LDLRAD4: variants seen among roughly 807,000 people sequenced by gnomAD.
LDLRAD4 encodes low density lipoprotein receptor class A domain containing 4.
In LDLRAD4, 5 loss-of-function variants were observed where a neutral mutation model predicts 17.0. The observed-to-expected ratio is 0.29, with a 90% CI of 0.15 to 0.62. LDLRAD4 has a LOEUF of 0.62. Ranked by LOEUF, LDLRAD4 falls within the 20% of genes least tolerant of loss-of-function variation. LDLRAD4 has a pLI of 0.84. For missense variants in LDLRAD4, 340 were observed against 424.7 expected, an observed-to-expected ratio of 0.80 and a Z score of 1.75; for synonymous variants, 168 against 171.8, an observed-to-expected ratio of 0.98 and a Z score of 0.17.
intron 1 of LDLRAD4, among the ~76,000 whole-genome samples, chr18:13,317,047 G>A (rs768766352): frequency 1.3e-5 from 2 of 152,174 alleles, no homozygotes; most frequent in African/African-American, 2.4e-5. Context: ...AAGGAATCCA[G>A]AAGGCACGAT....
chr18:13,276,731 C>G (rs2044895921), upstream of LDLRAD4, among the ~76,000 whole-genome samples: 1 of 152,170 alleles, frequency 6.6e-6, no homozygotes, highest in African/African-American at 2.4e-5. Flanking sequence ...TTGCGGACTC[C>G]TATGTAGGTC....
intron 2 of LDLRAD4, among the ~76,000 whole-genome samples, chr18:13,390,863 C>A (rs1488127050): frequency 6.6e-6 from 1 of 152,234 alleles, no homozygotes; most frequent in Non-Finnish European, 1.5e-5. Context: ...CTGGCCTTCT[C>A]TGGAGCTGGG....
rs531061311 is a variant in LDLRAD4 at position 13,377,187 on chromosome 18, C to T, written c.-382-10154C>T. 3.9e-5 allele frequency among the ~76,000 whole-genome samples: 6 copies of T among 152,318 alleles called. No individual in the cohort carries two copies. The South Asian group carries it at 8.3e-4, about 21-fold the overall frequency. On this transcript the variant is annotated intron_variant, in intron 1 of 5. Transcript: ENST00000359446. The stretch of plus-strand genomic sequence containing the variant: ...TCACACTCTTGGGTCTGCTCACTGC[C>T]GGTAACATCAACGCCAGAGCCATCC...
At chr18:13,460,543 A>G (rs2092378401) in intron 3 of LDLRAD4, among the ~76,000 whole-genome samples, 1 of 152,262 alleles carries the variant, frequency 6.6e-6, no homozygotes, top group South Asian at 2.1e-4. Context: ...TCATCTGACG[A>G]AGCCATGTGT....
At chr18:13,250,975 A>T (rs1168995885) in intron 1 of LDLRAD4, among the ~76,000 whole-genome samples, 1 of 152,202 alleles carries the variant, frequency 6.6e-6, no homozygotes, top group African/African-American at 2.4e-5. Flanking sequence ...CAAAAATCCT[A>T]CACAAAATAA....
At chr18:13,503,662 C>CA (rs764670948) in intron 3 of LDLRAD4, among the ~76,000 whole-genome samples, 3 of 151,876 alleles carry the variant, frequency 2.0e-5, no homozygotes, top group Non-Finnish European at 4.4e-5. Flanking sequence ...GCAGGCAGCC[C>CA]AGGCATGTGT....
chr18:13,418,686 A>G (rs1449017303), intron 2 of LDLRAD4, among the ~76,000 whole-genome samples: 1 of 152,230 alleles, frequency 6.6e-6, no homozygotes, highest in Non-Finnish European at 1.5e-5. Flanking sequence ...TGATGAACAA[A>G]TATTTTGAGC....
At chr18:13,509,060 T>C (rs1051158287) in intron 3 of LDLRAD4, among the ~76,000 whole-genome samples, 1 of 152,120 alleles carries the variant, frequency 6.6e-6, no homozygotes, top group Non-Finnish European at 1.5e-5. Flanking sequence ...TCCAGCACTT[T>C]AGGAAGCTGA....
In LDLRAD4 at chr18:13,552,667, C is replaced by T. The variant is rs150349200; in HGVS notation, c.182-68450C>T. Among the ~76,000 whole-genome samples, 1,107 of 152,302 alleles carry T rather than the reference C, an allele frequency of 7.3e-3. 15 individuals carry two copies. Among genetic ancestry groups the T allele is most frequent in the African/African-American group, 0.025 (1,041 of 41,564 alleles). ...TGAGGTAGTTCCTAGAGGACTGTGA[C>T]TCTTCACTCTTTCTTCCGTGTTGTA... On this transcript the variant is annotated intron_variant, in intron 3 of 5. Transcript: ENST00000359446.
At position 13,589,255 on chromosome 18, in the gene LDLRAD4, G is replaced by A. The variant is rs185220990; in HGVS notation, c.182-31862G>A. 2.2e-3 allele frequency among the ~76,000 whole-genome samples: 328 copies of A among 152,206 alleles called. 1 individual carries two copies. The highest frequency in any genetic ancestry group is 7.8e-3 in the African/African-American group (322 of 41,522). On this transcript the variant is annotated intron_variant, in intron 3 of 5. Coordinates refer to ENST00000359446, the Ensembl canonical transcript of LDLRAD4. ...AGCTTGCCATCTTTTTTCTTCTGTG[G>A]TTGGTTTCTGTCCCCAAACTGTGAT...
At chr18:13,286,053 C>T (rs780189815) in intron 1 of LDLRAD4, among the ~76,000 whole-genome samples, 5 of 152,208 alleles carry the variant, frequency 3.3e-5, no homozygotes, top group African/African-American at 4.8e-5. Flanking sequence ...TCTCCATTTT[C>T]CCAAACCAAA....
At chr18:13,612,664 G>T in intron 3 of LDLRAD4, 2 of 1,613,586 alleles carry the variant, frequency 1.2e-6, no homozygotes, top group Non-Finnish European at 8.5e-7. Context: ...ACGTGGGGGG[G>T]CTGCGTCACA....
At chr18:13,401,405 C>G (rs1259312951) in intron 2 of LDLRAD4, among the ~76,000 whole-genome samples, 1 of 150,370 alleles carries the variant, frequency 6.7e-6, no homozygotes, top group Non-Finnish European at 1.5e-5. Context: ...TTCTCCAACA[C>G]TGAGTTTCAC....
At chr18:13,220,209 A>C (rs886067088) in intron 1 of LDLRAD4, among the ~76,000 whole-genome samples, 2 of 152,252 alleles carry the variant, frequency 1.3e-5, no homozygotes, top group African/African-American at 4.8e-5. Context: ...GACATTGAAC[A>C]CAGTGTTAGG....
At chr18:13,392,817 C>T (rs1039565223) in intron 2 of LDLRAD4, among the ~76,000 whole-genome samples, 2 of 152,060 alleles carry the variant, frequency 1.3e-5, no homozygotes, top group Admixed American at 6.5e-5. Context: ...GAATTTATAG[C>T]GAGTCTTTCT....
At chr18:13,595,371 T>G (rs1303147088) in intron 3 of LDLRAD4, among the ~76,000 whole-genome samples, 2 of 152,240 alleles carry the variant, frequency 1.3e-5, no homozygotes, top group African/African-American at 4.8e-5. Flanking sequence ...CTTCAGAGTA[T>G]TCCTGTAGCT....
chr18:13,371,888 A>G (rs967012494), intron 1 of LDLRAD4, among the ~76,000 whole-genome samples: 1 of 152,236 alleles, frequency 6.6e-6, no homozygotes, highest in Non-Finnish European at 1.5e-5. Context: ...AGGAAGTTTC[A>G]TTATAGGATT....
At chr18:13,510,090 T>C (rs1355840943) in intron 3 of LDLRAD4, among the ~76,000 whole-genome samples, 1 of 152,226 alleles carries the variant, frequency 6.6e-6, no homozygotes, top group Admixed American at 6.5e-5. Context: ...TTTGGCGGCC[T>C]GGAACTGAAT....
chr18:13,389,963 G>T (rs575725384), intron 2 of LDLRAD4, among the ~76,000 whole-genome samples: 16 of 152,008 alleles, frequency 1.1e-4, no homozygotes, highest in African/African-American at 3.9e-4. Context: ...TCACCCACTT[G>T]TAGCTCCTCC....
Sources: gnomAD v4.1 joint callset for allele counts (sites outside exome capture counted in the v4.1 genomes callset) on GRCh38, gnomAD v4.1.1 for gene constraint, MANE v1.5 for transcripts, NCBI Gene and HGNC (gene_info 2026-07-23, HGNC 2026-07-21) for gene names.